PUM3: variants seen among roughly 807,000 people sequenced by gnomAD.
The protein encoded by PUM3 is pumilio homolog 3.
A neutral mutation model predicts 84.0 loss-of-function variants in PUM3; 91 were observed. The ratio of observed to expected loss-of-function variants is 1.08; its 90% CI spans 0.91 to 1.29. PUM3 has a LOEUF of 1.29. PUM3 is among the 50% of genes most tolerant of loss of function. The probability of loss-of-function intolerance (pLI) is 0.00; values close to 1 mark genes in which losing one functional copy is unlikely to be tolerated. For synonymous variants in PUM3, 321 were observed against 266.7 expected (o/e 1.20, Z -1.98); for missense variants, 1,067 against 767.5 (o/e 1.39, Z -4.61).
At chr9:2,834,890 T>G (rs182967547) in intron 3 of PUM3, among the ~76,000 whole-genome samples, 15 of 152,076 alleles carry the variant, frequency 9.9e-5, no homozygotes, top group Admixed American at 7.9e-4. Flanking sequence ...GAACTAATGA[T>G]GCCAAACAAA....
intron 7 of PUM3, among the ~76,000 whole-genome samples, chr9:2,830,356 T>C (rs1408568537): frequency 6.6e-6 from 1 of 152,208 alleles, no homozygotes; most frequent in Non-Finnish European, 1.5e-5. Context: ...ATTATCATAT[T>C]CTAGCACATT....
chr9:2,832,409 C>A (rs1266867118), intron 5 of PUM3, among the ~76,000 whole-genome samples: 2 of 152,126 alleles, frequency 1.3e-5, no homozygotes, highest in South Asian at 4.1e-4. Context: ...ATCAAATATA[C>A]AACACGGATG....
Position 2,812,422 on chromosome 9 carries a change from C to A in PUM3, c.1270-60G>T. 3 of 1,153,226 alleles carry A rather than the reference C, an allele frequency of 2.6e-6. No individual in the cohort carries two copies. The South Asian group carries it at 4.3e-5, about 16-fold the overall frequency. 71.4% of individuals were successfully genotyped at this position (1,153,226 alleles called of 1,614,324 possible). ...TCTGCATTCTCAAAACAAAGTACCA[C>A]AGGACCTTTCTTCCATATTTGCCAT... On this transcript the variant is annotated intron_variant, in intron 13 of 17. Transcript: ENST00000397885.
In PUM3 at chr9:2,831,250, C is replaced by G; in HGVS notation, c.610+1G>C. On this transcript the variant is annotated splice_donor_variant, in intron 6 of 17. Transcript: ENST00000397885. LOFTEE classifies it high-confidence loss of function. ...CATAATCTTTAGTATGTAATAAATA[C>G]CTCGCAATTCTTCAAAAGCCTGTTT... The G allele has an allele frequency of 6.4e-7, 1 of 1,558,698 alleles. No individual in the cohort carries two copies. The highest frequency in any genetic ancestry group is 8.8e-7 in the Non-Finnish European group (1 of 1,133,336).
chr9:2,837,896 C>T (rs1460444605), intron 2 of PUM3, among the ~76,000 whole-genome samples: 2 of 151,876 alleles, frequency 1.3e-5, no homozygotes, highest in African/African-American at 4.8e-5. Context: ...AATTTTAAAG[C>T]CTATATTAAA....
Position 2,834,101 on chromosome 9 carries a change from T to G in PUM3, c.370A>C (p.Arg124=), listed in dbSNP as rs114287488. The G allele has an allele frequency of 1.2e-6, 2 of 1,613,694 alleles. No homozygotes were observed. The highest frequency in any genetic ancestry group is 1.7e-6 in the Non-Finnish European group (2 of 1,179,796). Residue 124 remains arginine, a synonymous_variant, in exon 4 of 18, where the codon AGA becomes CGA. Transcript: ENST00000397885. ...KKKKKELKQS[R]QLSDKTNYDI... Reference sequence around the variant, plus strand: ...TAGTTGGTTTTATCACTGAGTTGTCTGCTTTGCTTCAGTTCTTTCTTCTTC... The same window carrying G: ...TAGTTGGTTTTATCACTGAGTTGTCGGCTTTGCTTCAGTTCTTTCTTCTTC...
chr9:2,825,281 C>G (rs1035920949), intron 10 of PUM3, among the ~76,000 whole-genome samples: 1 of 152,064 alleles, frequency 6.6e-6, no homozygotes, highest in African/African-American at 2.4e-5. Flanking sequence ...CAGTTCATAA[C>G]TGGATTATCT....
At chr9:2,832,203 T>G (rs1816001743) in intron 5 of PUM3, among the ~76,000 whole-genome samples, 1 of 152,216 alleles carries the variant, frequency 6.6e-6, no homozygotes, top group African/African-American at 2.4e-5. Context: ...AGGCTGTTTT[T>G]GTGCATATAT....
At chr9:2,835,013 C>A (rs929739614) in intron 3 of PUM3, among the ~76,000 whole-genome samples, 179 of 119,702 alleles carry the variant, frequency 1.5e-3, no homozygotes, top group South Asian at 3.2e-3. Flanking sequence ...GGGAAAAATG[C>A]AAAAAAAAAA....
Position 2,804,276 on chromosome 9 carries a change from G to T in PUM3, c.*55C>A, listed in dbSNP as rs986222081. 5 of 1,571,920 alleles carry T rather than the reference G, an allele frequency of 3.2e-6. No individual in the cohort carries two copies. The highest frequency in any genetic ancestry group is 4.3e-6 in the Non-Finnish European group (5 of 1,157,178). ...CCCTACCCCTTCTTTTCTGCATTGG[G>T]AAACAGAACAGAGAACAGAAAAAAT... On this transcript the variant is annotated 3_prime_UTR_variant, in exon 18 of 18. Transcript: ENST00000397885.
chr9:2,809,945 T>C (rs943551793), intron 16 of PUM3, among the ~76,000 whole-genome samples: 1 of 152,102 alleles, frequency 6.6e-6, no homozygotes, highest in African/African-American at 2.4e-5. Context: ...AACATAGAGA[T>C]AAATGTCATG....
chr9:2,839,546 T>C (rs1213818040), intron 1 of PUM3, among the ~76,000 whole-genome samples: 1 of 152,232 alleles, frequency 6.6e-6, no homozygotes, highest in Admixed American at 6.5e-5. Flanking sequence ...GGCTAAAGGA[T>C]GCAGGATTTT....
chr9:2,822,428 T>A lies in PUM3; in HGVS notation c.1188+1353A>T, dbSNP rs980719314. Reference sequence around the variant, plus strand: ...ATATTTGGAAATTAATAATTCCAAATAATCCATGGATCAAATCCATGGGTA... The same window carrying A: ...ATATTTGGAAATTAATAATTCCAAAAAATCCATGGATCAAATCCATGGGTA... On this transcript the variant is annotated intron_variant, in intron 12 of 17. Transcript: ENST00000397885. Among the ~76,000 whole-genome samples the A allele has an allele frequency of 2.0e-5, 3 of 151,984 alleles. No individual in the cohort carries two copies. The East Asian group carries it at 5.8e-4, about 29-fold the overall frequency.
At chr9:2,820,627 AT>A (rs1175838321) in intron 12 of PUM3, among the ~76,000 whole-genome samples, 3 of 152,184 alleles carry the variant, frequency 2.0e-5, no homozygotes, top group African/African-American at 7.2e-5. Context: ...TATACAAATG[AT>A]TTTTAATTTT....
chr9:2,834,962 A>G (rs529521628), intron 3 of PUM3, among the ~76,000 whole-genome samples: 8 of 151,002 alleles, frequency 5.3e-5, no homozygotes, highest in Admixed American at 4.6e-4. Context: ...TTTTGGGGGA[A>G]TTAGTCACTT....
intron 12 of PUM3, 110 bp downstream of exon 12, chr9:2,823,671 C>A: frequency 1.4e-5 from 7 of 493,880 alleles, no homozygotes; most frequent in South Asian, 4.4e-5. Context: ...TATAATAAAA[C>A]AATAATTTTC....
intron 12 of PUM3, among the ~76,000 whole-genome samples, chr9:2,822,328 T>C (rs1326177323): frequency 6.6e-6 from 1 of 152,034 alleles, no homozygotes; most frequent in Non-Finnish European, 1.5e-5. Context: ...ACTTAGACCA[T>C]ATGTTAGGCC....
chr9:2,842,076 C>T (rs547732428), intron 1 of PUM3, among the ~76,000 whole-genome samples: 1 of 152,302 alleles, frequency 6.6e-6, no homozygotes, highest in South Asian at 2.1e-4. Flanking sequence ...CATTCTTATA[C>T]ATGGAATCAT....
chr9:2,820,592 G>T (rs1363545184), intron 12 of PUM3, among the ~76,000 whole-genome samples: 3 of 151,888 alleles, frequency 2.0e-5, no homozygotes, highest in Non-Finnish European at 4.4e-5. Flanking sequence ...TGGAAGGCAA[G>T]GCATTGTAAT....
Sources: allele counts gnomAD v4.1 joint callset (sites outside exome capture counted in the v4.1 genomes callset), GRCh38; gene constraint gnomAD v4.1.1; transcripts MANE v1.5; gene names NCBI Gene and HGNC (gene_info 2026-07-23, HGNC 2026-07-21).